CDCA5: variants seen among roughly 807,000 people sequenced by gnomAD.
CDCA5 encodes sororin.
In CDCA5, 14 loss-of-function variants were observed where a neutral mutation model predicts 25.7. The observed-to-expected ratio is 0.54, with a 90% CI of 0.36 to 0.85. The LOEUF (loss-of-function observed/expected upper bound fraction) is 0.85. Ranked by LOEUF, CDCA5 falls within the 40% of genes least tolerant of loss-of-function variation. The pLI, the probability that CDCA5 is intolerant of heterozygous loss-of-function variation, is 0.01. For missense variants in CDCA5, 307 were observed against 324.5 expected (o/e 0.95, Z 0.41); for synonymous variants, 127 against 128.7 (o/e 0.99, Z 0.09).
rs1947518760 is a variant in CDCA5 at position 65,079,552 on chromosome 11, G to C, written c.479C>G (p.Pro160Arg). The change falls in exon 5 of 6, where the codon CCA becomes CGA. Residue 160 changes from proline to arginine, a missense_variant. Transcript: ENST00000275517. ...ETLGSASTSTPGRRSCFGFEG... is the reference protein window; with the variant it reads ...ETLGSASTSTRGRRSCFGFEG... The stretch of plus-strand genomic sequence containing the variant: ...GAAGCCAAAGCAGGACCGGCGGCCT[G>C]GGGTGGAGGTAGAGGCAGAGCCCAG... The C allele has an allele frequency of 1.2e-6, 2 of 1,614,094 alleles. No homozygotes were observed. The highest frequency in any genetic ancestry group is 1.7e-6 in the Non-Finnish European group (2 of 1,180,006).
chr11:65,075,786 G>A (rs1237725939), downstream of CDCA5, among the ~76,000 whole-genome samples: 2 of 152,226 alleles, frequency 1.3e-5, no homozygotes, highest in African/African-American at 4.8e-5. Context: ...AGATGGACAA[G>A]TCTTGAGCAA....
downstream of CDCA5, chr11:65,066,268 C>T: frequency 9.2e-7 from 1 of 1,088,228 alleles, no homozygotes; most frequent in Non-Finnish European, 1.2e-6. Flanking sequence ...CACCTGAGCC[C>T]AGGGCCCACA....
At chr11:65,068,193 C>G in intron 2 of CDCA5, 1 of 960,296 alleles carries the variant, frequency 1.0e-6, no homozygotes, top group Non-Finnish European at 1.4e-6. Context: ...CTCCCACACC[C>G]CCCATCCTTG....
downstream of CDCA5, among the ~76,000 whole-genome samples, chr11:65,063,498 T>C (rs184785644): frequency 4.9e-4 from 74 of 152,262 alleles, no homozygotes; most frequent in Admixed American, 3.3e-3. Flanking sequence ...TCCTCCGAGG[T>C]GGACACAGTG....
intron 1 of CDCA5, among the ~76,000 whole-genome samples, chr11:65,069,941 G>A (rs1361541575): frequency 6.6e-6 from 1 of 152,226 alleles, no homozygotes; most frequent in Non-Finnish European, 1.5e-5. Flanking sequence ...ACCACAGTGC[G>A]GGGGGATGAG....
chr11:65,065,494 G>A (rs1351619483), downstream of CDCA5, among the ~76,000 whole-genome samples: 1 of 152,064 alleles, frequency 6.6e-6, no homozygotes, highest in Non-Finnish European at 1.5e-5. Flanking sequence ...TCCCATGTTG[G>A]CCACACTGGT....
At chr11:65,082,557 G>A (rs1453343018) in intron 4 of CDCA5, among the ~76,000 whole-genome samples, 8 of 151,174 alleles carry the variant, frequency 5.3e-5, no homozygotes, top group Non-Finnish European at 4.4e-5. Flanking sequence ...CCGCCTCCTG[G>A]GTTTAAGCGA....
In CDCA5 at chr11:65,079,785, A is replaced by G; in HGVS notation, c.246T>C (p.Ile82=). Residue 82 remains isoleucine (I), a splice_region_variant and synonymous_variant, in exon 5 of 6, where the codon ATT becomes ATC. Transcript: ENST00000275517. ...AVQSPRRSPR[I]SFFLEKENEP... The stretch of plus-strand genomic sequence containing the variant: ...CGTTTTCTTTCTCCAAGAAAAAGGA[A>G]ATCTGCACCAGGACAGAAGAGGGGA... The G allele has an allele frequency of 6.8e-7, 1 of 1,467,886 alleles. No homozygotes were observed. Among genetic ancestry groups the G allele is most frequent in the Non-Finnish European group, 9.0e-7 (1 of 1,108,066 alleles). The allele number at this position is 1,467,886 out of a possible 1,614,324, so 90.9% of individuals were successfully genotyped here.
At position 65,078,809 on chromosome 11, in the gene CDCA5, C is replaced by A; in HGVS notation, c.*298G>T. On this transcript the variant is annotated 3_prime_UTR_variant, in exon 6 of 6. Transcript: ENST00000275517. The stretch of plus-strand genomic sequence containing the variant: ...AACTTCTGGCTGGGCCACTGATTCT[C>A]CTCCCCAGTCTGTGGCCCATCTGGA... 1 of 1,138,456 alleles carries A rather than the reference C, an allele frequency of 8.8e-7. No homozygotes were observed. Among genetic ancestry groups the A allele is most frequent in the Non-Finnish European group, 1.1e-6 (1 of 928,570 alleles). The allele number at this position is 1,138,456 out of a possible 1,614,324, so 70.5% of individuals were successfully genotyped here.
rs1252175859 is a variant in CDCA5 at position 65,071,683 on chromosome 11, C to CT, written c.64-3083dup. ...GTATTTTTTGCTAAATCTAGCAACT[C>CT]TAACACTATGGCCACATGTTGGTGC... On this transcript the variant is annotated intron_variant, in intron 1 of 6. Coordinates refer to the CDCA5 transcript ENST00000525464. Among the ~76,000 whole-genome samples the CT allele has an allele frequency of 1.1e-4, 16 of 152,298 alleles. No homozygotes were observed. The East Asian group carries it at 1.7e-3, about 16-fold the overall frequency.
chr11:65,078,687 G>GAGAGGCCGAGGCTGGC lies in CDCA5; in HGVS notation c.*404_*419dup, dbSNP rs1178830559. 6.0e-6 allele frequency: 6 copies of GAGAGGCCGAGGCTGGC among 1,001,604 alleles called. No homozygotes were observed. Among genetic ancestry groups the GAGAGGCCGAGGCTGGC allele is most frequent in the Non-Finnish European group, 4.8e-6 (4 of 841,348 alleles). The allele number at this position is 1,001,604 out of a possible 1,614,324, so 62.0% of individuals were successfully genotyped here. The stretch of plus-strand genomic sequence containing the variant: ...CACCAACAGAAGGCAACTCAGGAGG[G>GAGAGGCCGAGGCTGGC]AGAGGCCGAGGCTGGCAGAGCCCCT... On this transcript the variant is annotated 3_prime_UTR_variant, in exon 6 of 6. Transcript: ENST00000275517.
At position 65,079,659 on chromosome 11, in the gene CDCA5, G is replaced by A. The variant is rs1478555649; in HGVS notation, c.372C>T (p.Ser124=). The part of the protein sequence containing the change: ...STPVPNPEAE[S]SSKEGELDAR... ...CGTCCAGCTCTCCTTCCTTGGAGCT[G>A]GACTCGGCCTCAGGGTTCGGCACAG... The change falls in exon 5 of 6, where the codon TCC becomes TCT. Residue 124 remains serine (S), a synonymous_variant. Transcript: ENST00000275517. The A allele has an allele frequency of 3.1e-6, 5 of 1,604,924 alleles. 1 individual carries two copies. In the Admixed American group the frequency reaches 8.5e-5, roughly 27 times the overall value.
At chr11:65,076,732 T>G (rs1947452731), downstream of CDCA5, among the ~76,000 whole-genome samples, 1 of 152,128 alleles carries the variant, frequency 6.6e-6, no homozygotes, top group Non-Finnish European at 1.5e-5. Context: ...TTTCCAGGCA[T>G]CAGCATCTTT....
chr11:65,077,934 G>C lies in CDCA5; in HGVS notation c.*1173C>G, dbSNP rs1947478690. ...GGTACAATGGCCAGGGGTGCGGCAGGAGAGTCGGGGGCAGGGCAGCCTTCA... is the reference window on the plus strand; with the variant it reads ...GGTACAATGGCCAGGGGTGCGGCAGCAGAGTCGGGGGCAGGGCAGCCTTCA... On this transcript the variant is annotated 3_prime_UTR_variant, in exon 6 of 6. Coordinates refer to ENST00000275517, the MANE Select transcript of CDCA5 (RefSeq NM_080668.4). 5.1e-6 allele frequency: 5 copies of C among 985,538 alleles called. No homozygotes were observed. Among genetic ancestry groups the C allele is most frequent in the Non-Finnish European group, 6.0e-6 (5 of 830,032 alleles). The allele number at this position is 985,538 out of a possible 1,614,324, so 61.0% of individuals were successfully genotyped here. A position where few individuals can be genotyped will look rare whatever the true frequency, so the allele number is the denominator to read the frequency against.
In CDCA5 at chr11:65,066,484, A is replaced by G. The variant is rs146737737; in HGVS notation, c.564-11T>C. 5.0e-4 allele frequency: 648 copies of G among 1,288,732 alleles called. 1 individual carries two copies. Among genetic ancestry groups the G allele is most frequent in the Admixed American group, 1.9e-3 (84 of 43,528 alleles). 79.8% of individuals were successfully genotyped at this position (1,288,732 alleles called of 1,614,324 possible). On this transcript the variant is annotated splice_polypyrimidine_tract_variant and intron_variant, in intron 6 of 6. Transcript: ENST00000525464. ...CGGGGGTTTGGGTCACTGCAGGCAG[A>G]GACAGCTCGAGTGAGCAGCATGGGG...
rs139669195 is a variant in CDCA5, at chr11:65,070,534, A to G, written c.64-1933T>C. 8.9e-3 allele frequency among the ~76,000 whole-genome samples: 1,349 copies of G among 152,274 alleles called. 23 individuals carry two copies. The highest frequency in any genetic ancestry group is 0.03 in the African/African-American group (1,267 of 41,548). Reference sequence around the variant, plus strand: ...GGTCTCACTTTGTCGCCCAGGCTGGAGTGCAGTGGCACCCTCATGGCTCAC... The same window carrying G: ...GGTCTCACTTTGTCGCCCAGGCTGGGGTGCAGTGGCACCCTCATGGCTCAC... On this transcript the variant is annotated intron_variant, in intron 1 of 6. Transcript: ENST00000525464.
At chr11:65,072,935 A>ATTTTTTT (rs1242662667), downstream of CDCA5, among the ~76,000 whole-genome samples, 4 of 127,164 alleles carry the variant, frequency 3.1e-5, no homozygotes, top group African/African-American at 9.1e-5. Flanking sequence ...GTATTATTTC[A>ATTTTTTT]TTCTTTTTTT....
chr11:65,065,117 C>T (rs993444009), downstream of CDCA5, among the ~76,000 whole-genome samples: 3 of 152,032 alleles, frequency 2.0e-5, no homozygotes, highest in Non-Finnish European at 4.4e-5. Context: ...CCGTGTCACA[C>T]GAGGATTAAC....
chr11:65,064,434 A>G (rs1210969840), downstream of CDCA5, among the ~76,000 whole-genome samples: 4 of 151,850 alleles, frequency 2.6e-5, no homozygotes, highest in African/African-American at 9.7e-5. Context: ...AAAAAAAAAA[A>G]AAGCATAATT....
Sources: gnomAD v4.1 joint callset for allele counts (sites outside exome capture counted in the v4.1 genomes callset) on GRCh38, gnomAD v4.1.1 for gene constraint, MANE v1.5 for transcripts, NCBI Gene and HGNC (gene_info 2026-07-23, HGNC 2026-07-21) for gene names.